LAMA1: variants seen among roughly 807,000 people sequenced by gnomAD.
LAMA1 encodes the protein laminin subunit alpha 1.
A neutral mutation model predicts 348.7 loss-of-function variants in LAMA1; 219 were observed. That is an observed-to-expected ratio of 0.63 (90% CI 0.56 to 0.70). The LOEUF (loss-of-function observed/expected upper bound fraction) is 0.70. Among genes scored for constraint, LAMA1 ranks in the 30% least tolerant of loss-of-function variants. LAMA1 has a pLI of 0.00. For missense variants in LAMA1, 3,744 were observed against 3,888.0 expected (o/e 0.96, Z 0.99); for synonymous variants, 1,487 against 1,491.0 (o/e 1.00, Z 0.06).
At chr18:7,035,099 G>A (rs542288074) in intron 13 of LAMA1, among the ~76,000 whole-genome samples, 2 of 152,170 alleles carry the variant, frequency 1.3e-5, no homozygotes, top group Non-Finnish European at 2.9e-5. Context: ...GTCTGCAATT[G>A]GTCAGGCTGG....
chr18:7,073,950 T>A (rs1262409670), intron 3 of LAMA1, among the ~76,000 whole-genome samples: 1 of 152,130 alleles, frequency 6.6e-6, no homozygotes, highest in East Asian at 1.9e-4. Context: ...TTCCCCTGCC[T>A]CAGCCTCCCA....
chr18:6,971,601 A>G (rs2057658579), intron 48 of LAMA1, among the ~76,000 whole-genome samples: 1 of 152,130 alleles, frequency 6.6e-6, no homozygotes, highest in Non-Finnish European at 1.5e-5. Flanking sequence ...TCAGTAACTA[A>G]TCTACATTAT....
chr18:6,999,675 G>A (rs906062961), intron 31 of LAMA1, 37 bp from the exon 32 acceptor site: 10 of 1,521,936 alleles, frequency 6.6e-6, no homozygotes, highest in Admixed American at 1.8e-5. Context: ...AGACAGGATG[G>A]TCAATACCAG....
rs777341989 is a variant in LAMA1 at position 6,999,951 on chromosome 18, C to G, written c.4429G>C (p.Asp1477His). The change falls in exon 31 of 63, where the codon GAC becomes CAC. Residue 1477 changes from aspartate (D) to histidine (H), a missense_variant. Coordinates refer to ENST00000389658, the MANE Select transcript of LAMA1 (RefSeq NM_005559.4). ...VLEGDHDFRC[D>H]ACLLGYEGKH... The stretch of plus-strand genomic sequence containing the variant: ...CCTTCATAGCCCAGGAGACAGGCGT[C>G]ACAACGGAAATCGTGGTCCCCTTCC... The G allele has an allele frequency of 3.1e-6, 5 of 1,614,136 alleles. No homozygotes were observed. In the South Asian group the frequency reaches 3.3e-5, roughly 11 times the overall value.
At chr18:7,020,557 G>T (rs954587325) in intron 19 of LAMA1, among the ~76,000 whole-genome samples, 1 of 152,116 alleles carries the variant, frequency 6.6e-6, no homozygotes, top group Non-Finnish European at 1.5e-5. Flanking sequence ...TTGTCTCATC[G>T]AAGCGAGGGG....
At chr18:7,001,089 T>C (rs1366219281) in intron 30 of LAMA1, among the ~76,000 whole-genome samples, 3 of 152,180 alleles carry the variant, frequency 2.0e-5, no homozygotes, top group African/African-American at 4.8e-5. Context: ...AATACTTCTC[T>C]GGGCACATAT....
At chr18:6,973,757 AGACTTTCT>A (rs1242728803) in intron 46 of LAMA1, among the ~76,000 whole-genome samples, 1 of 152,164 alleles carries the variant, frequency 6.6e-6, no homozygotes, top group East Asian at 1.9e-4. Context: ...CCTTACACGT[AGACTTTCT>A]AAAAGTAACA....
chr18:7,100,492 A>T (rs1285144175), intron 1 of LAMA1, among the ~76,000 whole-genome samples: 1 of 152,208 alleles, frequency 6.6e-6, no homozygotes, highest in Non-Finnish European at 1.5e-5. Flanking sequence ...GAGAAATGAA[A>T]CCTATATCTA....
intron 1 of LAMA1, among the ~76,000 whole-genome samples, chr18:7,095,735 G>A (rs567193977): frequency 1.3e-5 from 2 of 152,226 alleles, no homozygotes; most frequent in Non-Finnish European, 2.9e-5. Flanking sequence ...TTAACTGAGT[G>A]AGGTTTGACT....
chr18:7,039,974 T>C, intron 10 of LAMA1, 102 bp downstream of exon 10: 1 of 1,377,990 alleles, frequency 7.3e-7, no homozygotes, highest in Non-Finnish European at 1.0e-6. Flanking sequence ...GCTTAAACCT[T>C]ACCACTTTGC....
intron 37 of LAMA1, among the ~76,000 whole-genome samples, chr18:6,985,888 A>G (rs2057732733): frequency 6.6e-6 from 1 of 152,150 alleles, no homozygotes; most frequent in Non-Finnish European, 1.5e-5. Flanking sequence ...CCTCCCGAGT[A>G]GCTGGGACTA....
chr18:7,102,197 A>G (rs936188873), intron 1 of LAMA1, among the ~76,000 whole-genome samples: 2 of 152,226 alleles, frequency 1.3e-5, no homozygotes, highest in African/African-American at 4.8e-5. Flanking sequence ...ACCACTAAAG[A>G]CAAAGGAGAT....
chr18:7,085,704 C>A (rs181931471), intron 1 of LAMA1, among the ~76,000 whole-genome samples: 96 of 152,216 alleles, frequency 6.3e-4, no homozygotes, highest in African/African-American at 2.2e-3. Flanking sequence ...AGGCGTGAGC[C>A]ACCGCTCCTG....
chr18:6,966,984 T>C lies in LAMA1; in HGVS notation c.6900-687A>G, dbSNP rs186226784. ...TCATCTGGAACAGATCATAATTATG[T>C]TCCAAAAATAATTTTCTGGAATATC... On this transcript the variant is annotated intron_variant, in intron 48 of 62. Transcript: ENST00000389658. 2.0e-5 allele frequency among the ~76,000 whole-genome samples: 3 copies of C among 152,338 alleles called. No homozygotes were observed. The East Asian group carries it at 5.8e-4, about 29-fold the overall frequency.
intron 1 of LAMA1, among the ~76,000 whole-genome samples, chr18:7,101,632 C>T (rs771989513): frequency 9.9e-5 from 15 of 152,270 alleles, no homozygotes; most frequent in Non-Finnish European, 1.8e-4. Context: ...TCTTCAGTGG[C>T]TTCCATTATC....
chr18:6,962,421 G>A (rs1256978352), intron 51 of LAMA1, among the ~76,000 whole-genome samples: 1 of 114,684 alleles, frequency 8.7e-6, no homozygotes, highest in African/African-American at 3.2e-5. Flanking sequence ...CCCAAAACAA[G>A]AAAGGGCGGG....
At chr18:6,945,636 T>A (rs2057518281) in intron 61 of LAMA1, among the ~76,000 whole-genome samples, 1 of 152,190 alleles carries the variant, frequency 6.6e-6, no homozygotes, top group Non-Finnish European at 1.5e-5. Flanking sequence ...CATCCCTGAT[T>A]CCCCATGGCC....
chr18:7,051,981 G>A (rs2058063783), intron 3 of LAMA1, among the ~76,000 whole-genome samples: 1 of 152,158 alleles, frequency 6.6e-6, no homozygotes, highest in East Asian at 1.9e-4. Context: ...AGGTCCACAG[G>A]AAAACTTGCA....
At chr18:7,084,344 C>G (rs2058206472) in intron 1 of LAMA1, among the ~76,000 whole-genome samples, 2 of 152,000 alleles carry the variant, frequency 1.3e-5, no homozygotes, top group South Asian at 4.1e-4. Context: ...GCATTAGGAT[C>G]AGGACAGTAC....
Sources: allele counts gnomAD v4.1 joint callset (sites outside exome capture counted in the v4.1 genomes callset), GRCh38; gene constraint gnomAD v4.1.1; transcripts MANE v1.5; gene names NCBI Gene and HGNC (gene_info 2026-07-23, HGNC 2026-07-21).